Variants in NUDT3 observed in about 807,000 individuals in gnomAD.
NUDT3 encodes the protein diphosphoinositol polyphosphate phosphohydrolase 1.
In NUDT3, 9 loss-of-function variants were observed where a neutral mutation model predicts 23.6. That is an observed-to-expected ratio of 0.38 (90% confidence interval 0.23 to 0.66). The LOEUF is 0.66. NUDT3 is among the 30% of genes least tolerant of loss of function. The probability of loss-of-function intolerance (pLI) is 0.52; values close to 1 mark genes in which losing one functional copy is unlikely to be tolerated. For missense variants in NUDT3, 172 were observed against 218.5 expected (o/e 0.79, Z 1.34); for synonymous variants, 86 against 82.6 (o/e 1.04, Z -0.22).
At chr6:34,376,256 T>C (rs1764921095) in intron 1 of NUDT3, among the ~76,000 whole-genome samples, 2 of 150,962 alleles carry the variant, frequency 1.3e-5, no homozygotes, top group South Asian at 4.1e-4. Flanking sequence ...CTTTTTTTTT[T>C]CTTTTCTTGA....
At chr6:34,308,297 G>C (rs1763715515) in intron 2 of NUDT3, among the ~76,000 whole-genome samples, 1 of 151,412 alleles carries the variant, frequency 6.6e-6, no homozygotes, top group African/African-American at 2.4e-5. Flanking sequence ...CTCTCTACAA[G>C]AAATAAATAA....
intron 1 of NUDT3, among the ~76,000 whole-genome samples, chr6:34,374,202 T>C (rs1163863822): frequency 3.3e-5 from 5 of 149,504 alleles, no homozygotes; most frequent in Admixed American, 3.3e-4. Context: ...CTTGTTTAAC[T>C]CCTTTTGTGG....
chr6:34,321,424 C>A (rs969923558), intron 2 of NUDT3, among the ~76,000 whole-genome samples: 1 of 151,830 alleles, frequency 6.6e-6, no homozygotes, highest in Non-Finnish European at 1.5e-5. Flanking sequence ...GGCAACAGAG[C>A]GAGACTCCAT....
At chr6:34,310,949 T>C (rs1763761364) in intron 2 of NUDT3, among the ~76,000 whole-genome samples, 1 of 145,018 alleles carries the variant, frequency 6.9e-6, no homozygotes, top group Admixed American at 6.9e-5. Flanking sequence ...CTACTCATGA[T>C]AAAAGAAACT....
chr6:34,364,315 G>GT (rs1205642059), intron 1 of NUDT3, among the ~76,000 whole-genome samples: 1 of 152,126 alleles, frequency 6.6e-6, no homozygotes. Context: ...ACTTACTAAG[G>GT]TTTTGTCCTC....
At chr6:34,327,979 G>A (rs193031807) in intron 2 of NUDT3, among the ~76,000 whole-genome samples, 124 of 152,202 alleles carry the variant, frequency 8.1e-4, no homozygotes, top group African/African-American at 3.0e-3. Flanking sequence ...GGTTATATTA[G>A]TAATACAACA....
At chr6:34,315,831 A>T (rs1763848971) in intron 2 of NUDT3, among the ~76,000 whole-genome samples, 1 of 152,194 alleles carries the variant, frequency 6.6e-6, no homozygotes, top group Non-Finnish European at 1.5e-5. Flanking sequence ...GGATTTTCTA[A>T]GTGATGTCCT....
At chr6:34,364,714 A>G (rs371792672) in intron 1 of NUDT3, among the ~76,000 whole-genome samples, 5 of 152,248 alleles carry the variant, frequency 3.3e-5, no homozygotes, top group African/African-American at 1.2e-4. Context: ...AGTAGAGTGT[A>G]TATAAGGTAC....
rs1763261877 is a variant in NUDT3, at chr6:34,279,825, T to C, written c.*8928A>G. ...GCTCACAGGTTTAAGCATTTGTTTT[T>C]ACAAAAAGGAGTGGGATATGGGGGT... On this transcript the variant is annotated 3_prime_UTR_variant, in exon 5 of 5. Transcript: ENST00000607016. 6.6e-6 allele frequency: 1 copy of C among 152,218 alleles called. No individual in the cohort carries two copies. Among genetic ancestry groups the C allele is most frequent in the Admixed American group, 6.5e-5 (1 of 15,282 alleles). 9.4% of individuals were successfully genotyped at this position (152,218 alleles called of 1,614,324 possible).
At chr6:34,312,619 A>G (rs1763791394) in intron 2 of NUDT3, among the ~76,000 whole-genome samples, 1 of 152,162 alleles carries the variant, frequency 6.6e-6, no homozygotes, top group Non-Finnish European at 1.5e-5. Flanking sequence ...GCTTATGTCC[A>G]TGCAAAAACT....
Position 34,392,458 on chromosome 6 carries a change from G to T in NUDT3, c.-96C>A. On this transcript the variant is annotated 5_prime_UTR_variant, in exon 1 of 5. Transcript: ENST00000607016. ...CGCGTGCGCGCGCGCCCCCGGCTCG[G>T]CCAAGGGAAGCAGGGAGGGGGAGCT... The T allele has an allele frequency of 1.2e-6, 1 of 824,562 alleles. No homozygotes were observed. Among genetic ancestry groups the T allele is most frequent in the Non-Finnish European group, 1.9e-6 (1 of 526,752 alleles). 51.1% of individuals were successfully genotyped at this position (824,562 alleles called of 1,614,324 possible). A position where few individuals can be genotyped will look rare whatever the true frequency, so the allele number is the denominator to read the frequency against.
intron 1 of NUDT3, among the ~76,000 whole-genome samples, chr6:34,377,850 T>C (rs899710134): frequency 6.8e-6 from 1 of 146,280 alleles, no homozygotes; most frequent in Non-Finnish European, 1.5e-5. Context: ...AAAAAAAAAG[T>C]GTGGAGAGAG....
At chr6:34,388,437 C>A (rs1765144791) in intron 1 of NUDT3, among the ~76,000 whole-genome samples, 1 of 152,044 alleles carries the variant, frequency 6.6e-6, no homozygotes, top group Non-Finnish European at 1.5e-5. Flanking sequence ...GCCATTAGTG[C>A]CCATTAAAAT....
At chr6:34,342,317 G>C (rs1164746603) in intron 1 of NUDT3, among the ~76,000 whole-genome samples, 2 of 141,790 alleles carry the variant, frequency 1.4e-5, no homozygotes, top group Non-Finnish European at 3.1e-5. Flanking sequence ...AAAAAAAAGA[G>C]GATTGTCACT....
chr6:34,308,185 A>C (rs1763713213), intron 2 of NUDT3, among the ~76,000 whole-genome samples: 1 of 141,274 alleles, frequency 7.1e-6, no homozygotes. Context: ...GCCAGGTGCC[A>C]GGTGGCTCAC....
At chr6:34,320,507 C>G (rs1050092868) in intron 2 of NUDT3, among the ~76,000 whole-genome samples, 8 of 152,112 alleles carry the variant, frequency 5.3e-5, no homozygotes, top group African/African-American at 1.9e-4. Context: ...CAGGCGTGAG[C>G]CACTGCACCC....
At chr6:34,341,425 G>A (rs1055610327) in intron 2 of NUDT3, among the ~76,000 whole-genome samples, 4 of 152,100 alleles carry the variant, frequency 2.6e-5, no homozygotes, top group Non-Finnish European at 2.9e-5. Flanking sequence ...ACAGTATCTG[G>A]CTAACATAAT....
chr6:34,297,752 TA>T (rs1428550491), intron 2 of NUDT3, among the ~76,000 whole-genome samples: 8 of 101,368 alleles, frequency 7.9e-5, no homozygotes, highest in African/African-American at 2.4e-4. Flanking sequence ...TATATATATA[TA>T]TATATAATTT....
At chr6:34,356,122 T>C (rs371221913) in intron 1 of NUDT3, among the ~76,000 whole-genome samples, 1 of 152,160 alleles carries the variant, frequency 6.6e-6, no homozygotes, top group South Asian at 2.1e-4. Context: ...AGGAACCAGA[T>C]ACTTAACAAT....
Sources: gnomAD v4.1 joint callset for allele counts (sites outside exome capture counted in the v4.1 genomes callset) on GRCh38, gnomAD v4.1.1 for gene constraint, MANE v1.5 for transcripts, NCBI Gene and HGNC (gene_info 2026-07-23, HGNC 2026-07-21) for gene names.